The following ENPP7 variants were observed in gnomAD, a reference collection of about 807,000 sequenced individuals.
ENPP7 encodes ectonucleotide pyrophosphatase/phosphodiesterase 7.
A neutral mutation model predicts 33.6 loss-of-function variants in ENPP7; 39 were observed. The ratio of observed to expected loss-of-function variants is 1.16; its 90% confidence interval spans 0.90 to 1.52. ENPP7 has a LOEUF of 1.52. ENPP7 is among the 40% of genes most tolerant of loss of function. ENPP7 has a pLI of 0.00. For missense variants in ENPP7, 594 were observed against 641.0 expected (o/e 0.93, Z 0.79); for synonymous variants, 244 against 274.3 (o/e 0.89, Z 1.09).
Position 79,738,214 on chromosome 17 carries a change from C to T in ENPP7, c.*16+152C>T. 1.4e-6 allele frequency: 1 copy of T among 715,008 alleles called. No homozygotes were observed. The highest frequency in any genetic ancestry group is 2.3e-6 in the Non-Finnish European group (1 of 434,004). 44.3% of individuals were successfully genotyped at this position (715,008 alleles called of 1,614,324 possible). A position where few individuals can be genotyped will look rare whatever the true frequency, so the allele number is the denominator to read the frequency against. On this transcript the variant is annotated intron_variant, in intron 5 of 5. Transcript: ENST00000328313. The surrounding 1 kb of genome is among the most constrained non-coding windows in gnomAD (Gnocchi z 6.2). ...CACTGACCTGGCTGCCCCAGAGAGG[C>T]CATCACCCCTGAGATCCCGAGGCTG...
intron 1 of ENPP7, among the ~76,000 whole-genome samples, chr17:79,732,939 T>C (rs536758894): frequency 1.1e-4 from 17 of 152,340 alleles, no homozygotes; most frequent in Admixed American, 1.1e-3. Flanking sequence ...GCGCCTCTTT[T>C]GCTCTCTGTA....
At position 79,735,492 on chromosome 17, in the gene ENPP7, C is replaced by T. The variant is rs149462169; in HGVS notation, c.849C>T (p.Asn283=). The stretch of plus-strand genomic sequence containing the variant: ...TTGAGCTCCTGGACTACGGACCAAA[C>T]GGGATGCTGCTCCCTAAAGAAGGGA... ...IEFELLDYGP[N]GMLLPKEGRL... is the part of the protein sequence containing the mutation. Residue 283 remains asparagine (N), a synonymous_variant, in exon 3 of 6, where the codon AAC becomes AAT. Transcript: ENST00000328313. This position sits in a 1 kb window ranked among gnomAD's most constrained non-coding sequence, Gnocchi z 5.5. 111 of 1,614,076 alleles carry T rather than the reference C, an allele frequency of 6.9e-5. No homozygotes were observed. In the African/African-American group the frequency reaches 1.3e-3, roughly 19 times the overall value.
rs1555823481 is a variant in ENPP7, at chr17:79,735,694, C to T, written c.1026+25C>T. The T allele has an allele frequency of 6.3e-7, 1 of 1,578,138 alleles. No homozygotes were observed. Among genetic ancestry groups the T allele is most frequent in the Non-Finnish European group, 8.6e-7 (1 of 1,161,836 alleles). ...GGTGAGTCGCCTGCTGGAGGCACCA[C>T]CTCCAGGGGCTCCCTCCCCAGGCTC... On this transcript the variant is annotated intron_variant, in intron 3 of 5. Coordinates refer to ENST00000328313, the MANE Select transcript of ENPP7 (RefSeq NM_178543.5). The surrounding 1 kb of genome is among the most constrained non-coding windows in gnomAD (Gnocchi z 5.5).
At position 79,738,148 on chromosome 17, in the gene ENPP7, A is replaced by G. The variant is rs567056255; in HGVS notation, c.*16+86A>G. 1 of 1,421,396 alleles carries G rather than the reference A, an allele frequency of 7.0e-7. No homozygotes were observed. The highest frequency in any genetic ancestry group is 1.8e-5 in the Admixed American group (1 of 56,260). The allele number at this position is 1,421,396 out of a possible 1,614,324, so 88.0% of individuals were successfully genotyped here. ...GATGTCCCAGCTACAGTCCTAGGCA[A>G]CCAGAACAGAGCTGCCAGGCCCCGC... On this transcript the variant is annotated intron_variant, in intron 5 of 5. Coordinates refer to ENST00000328313, the MANE Select transcript of ENPP7 (RefSeq NM_178543.5). This position sits in a 1 kb window ranked among gnomAD's most constrained non-coding sequence, Gnocchi z 6.2.
In ENPP7 at chr17:79,735,728, CTTT is replaced by C. The variant is rs1289559689; in HGVS notation, c.1026+70_1026+72del. ...GCTCCCTCCCCAGGCTCTGGGTCTT[CTTT>C]TTTTTTTTTTGAGACCAGGGTCTTG... is the stretch of plus-strand genomic sequence containing the variant. On this transcript the variant is annotated intron_variant, in intron 3 of 5. Transcript: ENST00000328313. The surrounding 1 kb of genome is among the most constrained non-coding windows in gnomAD (Gnocchi z 5.5). 1.8e-4 allele frequency: 226 copies of C among 1,242,990 alleles called. No homozygotes were observed. Among genetic ancestry groups the C allele is most frequent in the Non-Finnish European group, 2.1e-4 (197 of 916,738 alleles). 77.0% of individuals were successfully genotyped at this position (1,242,990 alleles called of 1,614,324 possible). A position where few individuals can be genotyped will look rare whatever the true frequency, so the allele number is the denominator to read the frequency against.
At position 79,741,927 on chromosome 17, in the gene ENPP7, C is replaced by T. The variant is rs1422040408; in HGVS notation, c.*150C>T. The T allele has an allele frequency of 1.0e-6, 1 of 985,526 alleles. No individual in the cohort carries two copies. Among genetic ancestry groups the T allele is most frequent in the East Asian group, 1.1e-4 (1 of 8,810 alleles). 61.0% of individuals were successfully genotyped at this position (985,526 alleles called of 1,614,324 possible). A position where few individuals can be genotyped will look rare whatever the true frequency, so the allele number is the denominator to read the frequency against. On this transcript the variant is annotated 3_prime_UTR_variant, in exon 6 of 6. Coordinates refer to ENST00000328313, the MANE Select transcript of ENPP7 (RefSeq NM_178543.5). ...ATGCCACTGTCCCCGGCAGCGCCAA[C>T]CCCTGCTTGGCTGTTATGGTGCTGG...
intron 1 of ENPP7, among the ~76,000 whole-genome samples, chr17:79,731,729 C>G (rs1212225001): frequency 6.6e-6 from 1 of 152,210 alleles, no homozygotes; most frequent in Non-Finnish European, 1.5e-5. Context: ...CCCTTCCATC[C>G]TTTCCATTTT....
rs892933288 is a variant in ENPP7, at chr17:79,736,250, G to A, written c.1026+581G>A. 2.6e-5 allele frequency among the ~76,000 whole-genome samples: 4 copies of A among 152,180 alleles called. 1 individual carries two copies. Among genetic ancestry groups the A allele is most frequent in the Admixed American group, 2.6e-4 (4 of 15,270 alleles). ...AGACAGGGTTTTGCATGTTGGCCAG[G>A]CTGGTCTCAAACTCCTGGGCTGAAG... On this transcript the variant is annotated intron_variant, in intron 3 of 5. Transcript: ENST00000328313.
rs1555823264 is a variant in ENPP7, at chr17:79,735,214, G to C, written c.571G>C (p.Val191Leu). 2 of 1,613,452 alleles carry C rather than the reference G, an allele frequency of 1.2e-6. No homozygotes were observed. The highest frequency in any genetic ancestry group is 1.7e-6 in the Non-Finnish European group (2 of 1,180,034). ...AWFTEEDLDL[V>L]TLYFGEPDST... is the part of the protein sequence containing the mutation. ...GTTCACAGAGGAGGACCTGGATCTGGTCACACTCTACTTCGGGGAGCCGGA... is the reference window on the plus strand; with the variant it reads ...GTTCACAGAGGAGGACCTGGATCTGCTCACACTCTACTTCGGGGAGCCGGA... The change falls in exon 3 of 6, where the codon GTC (valine) becomes CTC (leucine). Residue 191 changes from valine (V) to leucine (L), a missense_variant. By Grantham distance (32) the Val-to-Leu change is conservative. This residue lies in a region of ENPP7 where 504 missense variants were observed against 512.8 expected (regional missense o/e 0.98). Coordinates refer to ENST00000328313, the MANE Select transcript of ENPP7 (RefSeq NM_178543.5). The surrounding 1 kb of genome is among the most constrained non-coding windows in gnomAD (Gnocchi z 5.5).
chr17:79,736,026 C>G (rs1459967362), intron 3 of ENPP7, among the ~76,000 whole-genome samples: 2 of 152,220 alleles, frequency 1.3e-5, no homozygotes, highest in African/African-American at 4.8e-5. Flanking sequence ...TCTCCTGCCT[C>G]AGCCCTCTGA....
chr17:79,734,058 C>T (rs2094290871), intron 2 of ENPP7, among the ~76,000 whole-genome samples: 1 of 152,182 alleles, frequency 6.6e-6, no homozygotes, highest in Admixed American at 6.5e-5. Context: ...TTCTCCCTTT[C>T]CACATCCCTG....
In ENPP7 at chr17:79,735,245, C is replaced by A. The variant is rs78223484; in HGVS notation, c.602C>A (p.Thr201Lys). ...VTLYFGEPDSTGHRYGPESPE... is the reference protein window; with the variant it reads ...VTLYFGEPDSKGHRYGPESPE... The stretch of plus-strand genomic sequence containing the variant: ...CTCTACTTCGGGGAGCCGGACTCCA[C>A]GGGCCACAGGTACGGCCCCGAGTCC... Residue 201 changes from threonine (T) to lysine (K), a missense_variant, in exon 3 of 6, where the codon ACG becomes AAG. Thr to Lys is a moderately conservative substitution (Grantham distance 78, BLOSUM62 -1). Around this residue, in one of 3 missense-constraint regions of ENPP7, gnomAD observed 504 missense variants for 512.8 expected, o/e 0.98. Transcript: ENST00000328313. This position sits in a 1 kb window ranked among gnomAD's most constrained non-coding sequence, Gnocchi z 5.5. The A allele has an allele frequency of 1.2e-6, 2 of 1,613,386 alleles. No individual in the cohort carries two copies. The highest frequency in any genetic ancestry group is 1.7e-6 in the Non-Finnish European group (2 of 1,179,996).
At position 79,737,286 on chromosome 17, in the gene ENPP7, C is replaced by A; in HGVS notation, c.1246+26C>A. On this transcript the variant is annotated intron_variant, in intron 4 of 5. Transcript: ENST00000328313. The surrounding 1 kb of genome is among the most constrained non-coding windows in gnomAD (Gnocchi z 5.5). ...GTGAGGGCAGGGTGCCCCAAATCCC[C>A]GCCTGCTCTGGTGTGTACACGTGTG... 1 of 1,552,200 alleles carries A rather than the reference C, an allele frequency of 6.4e-7. No homozygotes were observed. Among genetic ancestry groups the A allele is most frequent in the South Asian group, 1.1e-5 (1 of 87,046 alleles).
intron 1 of ENPP7, 30 bp from the exon 2 acceptor site, chr17:79,733,478 C>G (rs201722006): frequency 6.2e-7 from 1 of 1,607,302 alleles, no homozygotes; most frequent in African/African-American, 1.3e-5. Context: ...CGGTCCATCC[C>G]GCCGCCCTCT....
Position 79,738,405 on chromosome 17 carries a change from T to C in ENPP7, c.*16+343T>C, listed in dbSNP as rs2094299928. The C allele has an allele frequency of 2.4e-5, 6 of 251,860 alleles. No homozygotes were observed. Among genetic ancestry groups the C allele is most frequent in the Non-Finnish European group, 4.7e-5 (6 of 126,988 alleles). 15.6% of individuals were successfully genotyped at this position (251,860 alleles called of 1,614,324 possible). A position where few individuals can be genotyped will look rare whatever the true frequency, so the allele number is the denominator to read the frequency against. On this transcript the variant is annotated intron_variant, in intron 5 of 5. Coordinates refer to ENST00000328313, the MANE Select transcript of ENPP7 (RefSeq NM_178543.5). This position sits in a 1 kb window ranked among gnomAD's most constrained non-coding sequence, Gnocchi z 6.2. ...CTGCCATCTCTGTGCTCCACTGGGA[T>C]AGCTCGGAAACCGTCACCTGCGGTG...
chr17:79,734,721 A>G (rs2094292061), intron 2 of ENPP7, among the ~76,000 whole-genome samples: 1 of 151,864 alleles, frequency 6.6e-6, no homozygotes, highest in Admixed American at 6.6e-5. Context: ...CTCGGGATCC[A>G]CCCGCCTTGG....
In ENPP7 at chr17:79,737,034, C is replaced by T. The variant is rs782136528; in HGVS notation, c.1027-7C>T. The T allele has an allele frequency of 4.3e-6, 7 of 1,613,766 alleles. No homozygotes were observed. The highest frequency in any genetic ancestry group is 5.9e-6 in the Non-Finnish European group (7 of 1,179,866). The stretch of plus-strand genomic sequence containing the variant: ...AGGACCCAGGACCCTTGCCCGCTCC[C>T]CGGCAGAGAATTAACGTCCAGTTCA... On this transcript the variant is annotated splice_polypyrimidine_tract_variant and splice_region_variant and intron_variant, in intron 3 of 5. Transcript: ENST00000328313. This position sits in a 1 kb window ranked among gnomAD's most constrained non-coding sequence, Gnocchi z 5.5.
intron 2 of ENPP7, among the ~76,000 whole-genome samples, 171 bp downstream of exon 2, chr17:79,733,824 G>C (rs1190273605): frequency 6.6e-6 from 1 of 152,196 alleles, no homozygotes; most frequent in African/African-American, 2.4e-5. Context: ...AAAAGGGGCA[G>C]GTGGTGGGTG....
At position 79,733,672 on chromosome 17, in the gene ENPP7, A is replaced by G. The variant is rs368328037; in HGVS notation, c.399+19A>G. On this transcript the variant is annotated intron_variant, in intron 2 of 5. Transcript: ENST00000328313. Reference sequence around the variant, plus strand: ...GAGGCAGGTAATGTCACCCCCGCCCATACTGACATCGCAGAGCACGGGGGC... The same window carrying G: ...GAGGCAGGTAATGTCACCCCCGCCCGTACTGACATCGCAGAGCACGGGGGC... 1.3e-6 allele frequency: 2 copies of G among 1,598,638 alleles called. No homozygotes were observed. Among genetic ancestry groups the G allele is most frequent in the African/African-American group, 2.7e-5 (2 of 74,656 alleles).
Sources: gnomAD v4.1 joint callset for allele counts (sites outside exome capture counted in the v4.1 genomes callset) on GRCh38, gnomAD v4.1.1 for gene constraint, gnomAD v4.1.1 regional missense constraint, Gnocchi (gnomAD v3.1) non-coding constraint, MANE v1.5 for transcripts, NCBI Gene and HGNC (gene_info 2026-07-23, HGNC 2026-07-21) for gene names.